Variants in WLS observed in about 807,000 individuals in gnomAD.
WLS encodes Wnt ligand secretion mediator, also known as protein wntless homolog.
WLS carries 23 observed loss-of-function variants against 62.8 expected under a neutral mutation model. That is an observed-to-expected ratio of 0.37 (90% CI 0.26 to 0.52). The LOEUF is 0.52. WLS is among the 20% of genes least tolerant of loss of function. WLS has a pLI of 0.92. For missense variants in WLS, 615 were observed against 697.3 expected (o/e 0.88, Z 1.33); for synonymous variants, 246 against 244.1 (o/e 1.01, Z -0.07).
intron 11 of WLS, among the ~76,000 whole-genome samples, chr1:68,113,730 A>G (rs1646256598): frequency 6.6e-6 from 1 of 152,162 alleles, no homozygotes; most frequent in Non-Finnish European, 1.5e-5. Context: ...GGCCCTTCCC[A>G]AGCCCTTCTG....
Position 68,153,463 on chromosome 1 carries a change from G to A in WLS, c.803+54C>T. On this transcript the variant is annotated intron_variant, in intron 5 of 11. Transcript: ENST00000262348. ...TGGACACCAGCAAAAGCAAGAGCTT[G>A]GCAGATCATGAGAAGCCAGTATTCC... is the stretch of plus-strand genomic sequence containing the variant. 4 of 1,608,912 alleles carry A rather than the reference G, an allele frequency of 2.5e-6. No individual in the cohort carries two copies. In the South Asian group the frequency reaches 4.4e-5, roughly 18 times the overall value.
intron 1 of WLS, among the ~76,000 whole-genome samples, chr1:68,217,518 T>C (rs562461068): frequency 9.8e-5 from 15 of 152,306 alleles, no homozygotes; most frequent in South Asian, 8.3e-4. Flanking sequence ...GGAACATCAA[T>C]AGTCTGGGGG....
At chr1:68,099,552 C>T (rs1646051100) in intron 11 of WLS, among the ~76,000 whole-genome samples, 1 of 152,108 alleles carries the variant, frequency 6.6e-6, no homozygotes, top group African/African-American at 2.4e-5. Flanking sequence ...TACTCAAGTC[C>T]CTTATGTAAA....
At chr1:68,115,097 C>A (rs372632836) in intron 11 of WLS, among the ~76,000 whole-genome samples, 1 of 152,194 alleles carries the variant, frequency 6.6e-6, no homozygotes, top group African/African-American at 2.4e-5. Context: ...TAATGATACA[C>A]CCCCCACCAC....
intron 11 of WLS, 92 bp downstream of exon 11, chr1:68,137,688 C>G: frequency 7.1e-7 from 1 of 1,414,082 alleles, no homozygotes; most frequent in Admixed American, 2.2e-5. Flanking sequence ...GAAAGTTTCA[C>G]TGGGCATCTC....
At chr1:68,115,708 G>A (rs991243314) in intron 11 of WLS, among the ~76,000 whole-genome samples, 1 of 141,982 alleles carries the variant, frequency 7.0e-6, no homozygotes, top group East Asian at 2.2e-4. Flanking sequence ...TTTAAAATTT[G>A]CTTTTTAAAA....
At chr1:68,123,733 C>T (rs1418820283), downstream of WLS, among the ~76,000 whole-genome samples, 4 of 152,088 alleles carry the variant, frequency 2.6e-5, no homozygotes, top group Non-Finnish European at 5.9e-5. Flanking sequence ...AGGTGACTGG[C>T]ACAGGGACAG....
chr1:68,165,469 T>C (rs1647047498), intron 2 of WLS, among the ~76,000 whole-genome samples: 1 of 152,142 alleles, frequency 6.6e-6, no homozygotes, highest in South Asian at 2.1e-4. Context: ...TCTGAACTCT[T>C]ATCTTACTTC....
intron 1 of WLS, among the ~76,000 whole-genome samples, chr1:68,228,597 ATATT>A (rs1389685733): frequency 2.0e-5 from 3 of 152,100 alleles, no homozygotes; most frequent in African/African-American, 7.2e-5. Flanking sequence ...ATTTTTAAAA[ATATT>A]TATCTTTTCC....
At chr1:68,147,971 T>C in intron 8 of WLS, among the ~76,000 whole-genome samples, 165 bp downstream of exon 8, 1 of 152,358 alleles carries the variant, frequency 6.6e-6, no homozygotes, top group African/African-American at 2.4e-5. Flanking sequence ...AAGCAAGCAG[T>C]AATTCTTCTT....
At chr1:68,193,843 A>C in intron 2 of WLS, 112 bp downstream of exon 2, 1 of 1,387,780 alleles carries the variant, frequency 7.2e-7, no homozygotes, top group Non-Finnish European at 9.8e-7. Context: ...GTAGTCAATA[A>C]TTGTTTGCTA....
intron 10 of WLS, among the ~76,000 whole-genome samples, chr1:68,140,934 T>G (rs1646676511): frequency 6.7e-6 from 1 of 148,980 alleles, no homozygotes; most frequent in Non-Finnish European, 1.5e-5. Context: ...GTCTCCCCCC[T>G]TTTAACTTTG....
intron 11 of WLS, among the ~76,000 whole-genome samples, chr1:68,112,502 C>T (rs546630245): frequency 6.6e-6 from 1 of 151,050 alleles, no homozygotes; most frequent in African/African-American, 2.5e-5. Flanking sequence ...CTACTCACTG[C>T]ACCCCAGACT....
intron 11 of WLS, among the ~76,000 whole-genome samples, chr1:68,104,202 AAGC>A (rs1471750909): frequency 6.6e-6 from 1 of 151,760 alleles, no homozygotes; most frequent in Non-Finnish European, 1.5e-5. Context: ...TTAAAAAAAA[AAGC>A]AAAATCTAAG....
At chr1:68,177,619 A>G (rs981659273) in intron 2 of WLS, among the ~76,000 whole-genome samples, 1 of 152,046 alleles carries the variant, frequency 6.6e-6, no homozygotes, top group Admixed American at 6.6e-5. Flanking sequence ...TCAGCCTCCC[A>G]AGCAGCTGGG....
chr1:68,145,583 T>A (rs1335859253), intron 9 of WLS, among the ~76,000 whole-genome samples: 1 of 152,004 alleles, frequency 6.6e-6, no homozygotes, highest in African/African-American at 2.4e-5. Context: ...TCCCAGCTAG[T>A]ATGTAACCTA....
intron 2 of WLS, chr1:68,163,148 A>AG (rs1647007476): frequency 8.4e-7 from 1 of 1,187,324 alleles, no homozygotes; most frequent in Non-Finnish European, 1.2e-6. Context: ...CTAAGAACTT[A>AG]GGGGAACTCG....
intron 1 of WLS, chr1:68,228,306 C>G: frequency 2.4e-6 from 1 of 422,632 alleles, no homozygotes; most frequent in Non-Finnish European, 4.6e-6. Context: ...TCTTCATACT[C>G]TTAGCAGTTT....
chr1:68,218,654 C>T (rs774187756), intron 1 of WLS, among the ~76,000 whole-genome samples: 23 of 152,316 alleles, frequency 1.5e-4, no homozygotes, highest in Admixed American at 3.3e-4. Flanking sequence ...GTTCCCGCCT[C>T]GCACCTCTGC....
Sources: gnomAD v4.1 joint callset for allele counts (sites outside exome capture counted in the v4.1 genomes callset) on GRCh38, gnomAD v4.1.1 for gene constraint, MANE v1.5 for transcripts, NCBI Gene and HGNC (gene_info 2026-07-23, HGNC 2026-07-21) for gene names.